The following AP5M1 variants were observed in gnomAD, a reference collection of about 807,000 sequenced individuals.
The protein encoded by AP5M1 is adaptor related protein complex 5 subunit mu 1, also known as AP-5 complex subunit mu-1.
A neutral mutation model predicts 52.3 loss-of-function variants in AP5M1; 44 were observed. That is an observed-to-expected ratio of 0.84 (90% CI 0.66 to 1.08). The LOEUF (loss-of-function observed/expected upper bound fraction) is 1.08. Ranked by LOEUF, AP5M1 falls within the 50% of genes least tolerant of loss-of-function variation. The probability of loss-of-function intolerance (pLI) is 0.00; values close to 1 mark genes in which losing one functional copy is unlikely to be tolerated. For synonymous variants in AP5M1, 213 were observed against 199.0 expected (o/e 1.07, Z -0.59); for missense variants, 526 against 568.4 (o/e 0.93, Z 0.76).
At position 57,289,542 on chromosome 14, in the gene AP5M1, A is replaced by G; in HGVS notation, c.*658A>G. 1 of 152,024 alleles carries G rather than the reference A, an allele frequency of 6.6e-6. No individual in the cohort carries two copies. Among genetic ancestry groups the G allele is most frequent in the East Asian group, 1.9e-4 (1 of 5,186 alleles). The allele number at this position is 152,024 out of a possible 1,614,324, so 9.4% of individuals were successfully genotyped here. A position where few individuals can be genotyped will look rare whatever the true frequency, so the allele number is the denominator to read the frequency against. ...ACTTAAGGTGTGTAATCTCTGTTCTAGAGTTAGTTTTTAAGTAAGCTTGTT... is the reference window on the plus strand; with the variant it reads ...ACTTAAGGTGTGTAATCTCTGTTCTGGAGTTAGTTTTTAAGTAAGCTTGTT... On this transcript the variant is annotated 3_prime_UTR_variant, in exon 8 of 8. Coordinates refer to ENST00000261558, the MANE Select transcript of AP5M1 (RefSeq NM_018229.4).
rs1885462412 is a variant in AP5M1, at chr14:57,292,630, T to G, written c.*3746T>G. 1 of 151,864 alleles carries G rather than the reference T, an allele frequency of 6.6e-6. No individual in the cohort carries two copies. Among genetic ancestry groups the G allele is most frequent in the Non-Finnish European group, 1.5e-5 (1 of 67,832 alleles). 9.4% of individuals were successfully genotyped at this position (151,864 alleles called of 1,614,324 possible). A position where few individuals can be genotyped will look rare whatever the true frequency, so the allele number is the denominator to read the frequency against. On this transcript the variant is annotated 3_prime_UTR_variant, in exon 8 of 8. Coordinates refer to ENST00000261558, the MANE Select transcript of AP5M1 (RefSeq NM_018229.4). ...GAAACAAAGACTACATTCTAAGTAT[T>G]GCTTCTAGTTTTGTTTCATGCACTA...
At chr14:57,277,834 A>G (rs982974770) in intron 2 of AP5M1, among the ~76,000 whole-genome samples, 3 of 151,966 alleles carry the variant, frequency 2.0e-5, no homozygotes, top group African/African-American at 7.3e-5. Context: ...TGTGTCAGGC[A>G]CTAGAGATAC....
Position 57,274,832 on chromosome 14 carries a change from A to G in AP5M1, c.663A>G (p.Gln221=), listed in dbSNP as rs1189899. 146,015 of 1,614,020 alleles carry G rather than the reference A, an allele frequency of 0.09. 22,356 individuals carry two copies. The highest frequency in any genetic ancestry group is 0.71 in the African/African-American group (53,007 of 74,962). The change falls in exon 2 of 8, where the codon CAA becomes CAG. Residue 221 remains glutamine (Q), a synonymous_variant. Transcript: ENST00000261558. ...TCACTGAAAAGGTAAAATCCATGCA[A>G]TATGATAAACAGGGTATAGCAGATA... ...ISITEKVKSM[Q]YDKQGIADTW... is the part of the protein sequence containing the mutation.
chr14:57,279,375 T>C (rs1271396783), intron 2 of AP5M1, among the ~76,000 whole-genome samples: 1 of 152,194 alleles, frequency 6.6e-6, no homozygotes, highest in Non-Finnish European at 1.5e-5. Context: ...TCATGTCCTT[T>C]GCATGGACGT....
At position 57,291,517 on chromosome 14, in the gene AP5M1, C is replaced by G. The variant is rs1885434984; in HGVS notation, c.*2633C>G. On this transcript the variant is annotated 3_prime_UTR_variant, in exon 8 of 8. Transcript: ENST00000261558. Reference sequence around the variant, plus strand: ...AGCAATATAGTACTTAGGCAATACCCTTACGGTGGTGGCAATTTTTTTTTA... The same window carrying G: ...AGCAATATAGTACTTAGGCAATACCGTTACGGTGGTGGCAATTTTTTTTTA... 1 of 151,772 alleles carries G rather than the reference C, an allele frequency of 6.6e-6. No homozygotes were observed. 9.4% of individuals were successfully genotyped at this position (151,772 alleles called of 1,614,324 possible). A position where few individuals can be genotyped will look rare whatever the true frequency, so the allele number is the denominator to read the frequency against.
chr14:57,273,016 A>G (rs1316185625), intron 1 of AP5M1, among the ~76,000 whole-genome samples: 1 of 151,678 alleles, frequency 6.6e-6, no homozygotes, highest in Non-Finnish European at 1.5e-5. Flanking sequence ...GGCTCGGCTC[A>G]TTGCAACCTC....
rs1884822503 is a variant in AP5M1 at position 57,269,471 on chromosome 14, G to T, written c.74+83G>T. The T allele has an allele frequency of 2.8e-6, 4 of 1,412,390 alleles. No homozygotes were observed. In the East Asian group the frequency reaches 6.8e-5, roughly 24 times the overall value. 87.5% of individuals were successfully genotyped at this position (1,412,390 alleles called of 1,614,324 possible). A position where few individuals can be genotyped will look rare whatever the true frequency, so the allele number is the denominator to read the frequency against. Reference sequence around the variant, plus strand: ...AGTTTTGTGGTGCTTCGTGGCCCAGGTTTGCCACGAATAGCTGCGTGACCT... The same window carrying T: ...AGTTTTGTGGTGCTTCGTGGCCCAGTTTTGCCACGAATAGCTGCGTGACCT... On this transcript the variant is annotated intron_variant, in intron 1 of 7. Transcript: ENST00000261558.
rs1003727346 is a variant in AP5M1, at chr14:57,294,561, T to C, written c.*5677T>C. The C allele has an allele frequency of 6.6e-6, 1 of 151,620 alleles. No individual in the cohort carries two copies. Among genetic ancestry groups the C allele is most frequent in the African/African-American group, 2.4e-5 (1 of 41,318 alleles). 9.4% of individuals were successfully genotyped at this position (151,620 alleles called of 1,614,324 possible). Reference sequence around the variant, plus strand: ...TGAGCTAATTTATTTATATTAACTCTTATTAATTTGCCAGTGGTTGAAGTT... The same window carrying C: ...TGAGCTAATTTATTTATATTAACTCCTATTAATTTGCCAGTGGTTGAAGTT... On this transcript the variant is annotated 3_prime_UTR_variant, in exon 8 of 8. Coordinates refer to ENST00000261558, the MANE Select transcript of AP5M1 (RefSeq NM_018229.4).
rs1189776936 is a variant in AP5M1, at chr14:57,275,408, G to GC, written c.720+519_720+520insC. 1.4e-5 allele frequency: 2 copies of GC among 142,336 alleles called. 1 individual carries two copies. Among genetic ancestry groups the GC allele is most frequent in the African/African-American group, 5.7e-5 (2 of 34,966 alleles). 8.8% of individuals were successfully genotyped at this position (142,336 alleles called of 1,614,324 possible). A position where few individuals can be genotyped will look rare whatever the true frequency, so the allele number is the denominator to read the frequency against. ...CAGATGATGAGAGAGGGGTGGGGGG[G>GC]GGAGAGAGAGAGGAGAGAGAGAGAG... On this transcript the variant is annotated intron_variant, in intron 2 of 7. Transcript: ENST00000261558.
At position 57,297,066 on chromosome 14, in the gene AP5M1, C is replaced by T. The variant is rs1039086717; in HGVS notation, c.*8182C>T. On this transcript the variant is annotated 3_prime_UTR_variant, in exon 8 of 8. Transcript: ENST00000261558. The stretch of plus-strand genomic sequence containing the variant: ...AAACAGAATCCCAGAAACTTGAGCA[C>T]CTGATATAGCAGAAGGAAATAAAGA... 1 of 151,734 alleles carries T rather than the reference C, an allele frequency of 6.6e-6. No individual in the cohort carries two copies. The highest frequency in any genetic ancestry group is 1.9e-4 in the East Asian group (1 of 5,184). 9.4% of individuals were successfully genotyped at this position (151,734 alleles called of 1,614,324 possible).
Position 57,280,227 on chromosome 14 carries a change from C to G in AP5M1, c.753C>G (p.Thr251=), listed in dbSNP as rs1056398038. Residue 251 remains threonine, a synonymous_variant, in exon 3 of 8, where the codon ACC becomes ACG. Coordinates refer to ENST00000261558, the MANE Select transcript of AP5M1 (RefSeq NM_018229.4). ...CDLEGIMPNV[T]ISLSLPTNGS... ...TGGAAGGAATCATGCCAAATGTTAC[C>G]ATCAGCTTGAGTCTCCCCACCAATG... 1 of 1,613,832 alleles carries G rather than the reference C, an allele frequency of 6.2e-7. No individual in the cohort carries two copies. The highest frequency in any genetic ancestry group is 2.2e-5 in the East Asian group (1 of 44,858).
chr14:57,269,433 G>C (rs760085817), intron 1 of AP5M1, 45 bp downstream of exon 1: 1 of 1,595,918 alleles, frequency 6.3e-7, no homozygotes, highest in South Asian at 1.1e-5. Flanking sequence ...TCAGAAGATC[G>C]ATGAAGTAGC....
At chr14:57,272,516 C>G (rs1175026555) in intron 1 of AP5M1, among the ~76,000 whole-genome samples, 1 of 152,120 alleles carries the variant, frequency 6.6e-6, no homozygotes, top group African/African-American at 2.4e-5. Context: ...AGCCTTGAAT[C>G]CTGTTTTAGA....
intron 1 of AP5M1, among the ~76,000 whole-genome samples, chr14:57,270,409 A>G (rs1884859273): frequency 2.0e-5 from 3 of 152,206 alleles, no homozygotes; most frequent in Non-Finnish European, 2.9e-5. Context: ...AAGAAAGCTT[A>G]TAGTGAAGTA....
chr14:57,289,182 C>T lies in AP5M1; in HGVS notation c.*298C>T, dbSNP rs146990785. The T allele has an allele frequency of 1.5e-3, 278 of 191,168 alleles. 7 individuals carry two copies. The East Asian group carries it at 0.04, about 27-fold the overall frequency. 11.8% of individuals were successfully genotyped at this position (191,168 alleles called of 1,614,324 possible). On this transcript the variant is annotated 3_prime_UTR_variant, in exon 8 of 8. Coordinates refer to ENST00000261558, the MANE Select transcript of AP5M1 (RefSeq NM_018229.4). ...CTGGGTCACCCTGCCACACTTGTTT[C>T]CTAGTGTTTCTGTGGCAGACATTGC...
In AP5M1 at chr14:57,282,088, G is replaced by A. The variant is rs1465259689; in HGVS notation, c.949-1G>A. 3 of 1,563,262 alleles carry A rather than the reference G, an allele frequency of 1.9e-6. No individual in the cohort carries two copies. The highest frequency in any genetic ancestry group is 2.8e-5 in the African/African-American group (2 of 71,544). On this transcript the variant is annotated splice_acceptor_variant, in intron 3 of 7. Coordinates refer to ENST00000261558, the MANE Select transcript of AP5M1 (RefSeq NM_018229.4). LOFTEE classifies it high-confidence loss of function. ...ATATAGACATTTATGTTTCTTTTTAGGTCCCTGTCCCACCAATTTTGGGTT... is the reference window on the plus strand; with the variant it reads ...ATATAGACATTTATGTTTCTTTTTAAGTCCCTGTCCCACCAATTTTGGGTT...
rs189168893 is a variant in AP5M1, at chr14:57,289,023, G to A, written c.*139G>A. The A allele has an allele frequency of 1.1e-5, 6 of 528,178 alleles. No individual in the cohort carries two copies. The Admixed American group carries it at 1.6e-4, about 14-fold the overall frequency. The allele number at this position is 528,178 out of a possible 1,614,324, so 32.7% of individuals were successfully genotyped here. ...AATTGTAAAAGTAGTCTTATGTGGT[G>A]TTTGTAGTCTGATAGAGCTTGAAAG... On this transcript the variant is annotated 3_prime_UTR_variant, in exon 8 of 8. Transcript: ENST00000261558.
In AP5M1 at chr14:57,295,680, T is replaced by C. The variant is rs1483351840; in HGVS notation, c.*6796T>C. The stretch of plus-strand genomic sequence containing the variant: ...GTGCCAAACTTAATGTTACCTTCTC[T>C]GCTAAAGATTTTTGTCTCTAGGAAA... On this transcript the variant is annotated 3_prime_UTR_variant, in exon 8 of 8. Transcript: ENST00000261558. The C allele has an allele frequency of 6.6e-6, 1 of 151,558 alleles. No homozygotes were observed. Among genetic ancestry groups the C allele is most frequent in the Non-Finnish European group, 1.5e-5 (1 of 67,766 alleles). 9.4% of individuals were successfully genotyped at this position (151,558 alleles called of 1,614,324 possible).
At chr14:57,288,034 A>G (rs553207408) in intron 7 of AP5M1, among the ~76,000 whole-genome samples, 48 of 152,224 alleles carry the variant, frequency 3.2e-4, no homozygotes, top group African/African-American at 1.1e-3. Context: ...ACTTAACAGT[A>G]TGCTGTCTTG....
Sources: gnomAD v4.1 joint callset for allele counts (sites outside exome capture counted in the v4.1 genomes callset) on GRCh38, gnomAD v4.1.1 for gene constraint, MANE v1.5 for transcripts, NCBI Gene and HGNC (gene_info 2026-07-23, HGNC 2026-07-21) for gene names.